SND1: variants seen among roughly 807,000 people sequenced by gnomAD.
The protein encoded by SND1 is staphylococcal nuclease and tudor domain containing 1, also known as staphylococcal nuclease domain-containing protein 1.
Under a neutral mutation model 121.7 loss-of-function variants are expected in SND1, and 38 were observed. The observed-to-expected ratio is 0.31, with a 90% confidence interval of 0.24 to 0.41. The LOEUF (loss-of-function observed/expected upper bound fraction) is 0.41, where lower values mean the gene tolerates loss of function less well. SND1 is among the 10% of genes least tolerant of loss of function. The pLI is 1.00. For missense variants in SND1, 868 were observed against 1,184.6 expected, an observed-to-expected ratio of 0.73 and a Z score of 3.92; for synonymous variants, 401 against 447.4, an observed-to-expected ratio of 0.90 and a Z score of 1.31.
intron 18 of SND1, among the ~76,000 whole-genome samples, chr7:128,083,012 G>A (rs1184809913): frequency 6.6e-6 from 1 of 152,184 alleles, no homozygotes; most frequent in African/African-American, 2.4e-5. Context: ...ATTTGTGGTG[G>A]GCTCCAGAGA....
intron 1 of SND1, among the ~76,000 whole-genome samples, chr7:127,684,139 G>GTACATTTGTCAATA (rs1795774372): frequency 6.6e-6 from 1 of 152,208 alleles, no homozygotes; most frequent in Admixed American, 6.5e-5. Flanking sequence ...GAGCTTCTCA[G>GTACATTTGTCAATA]TTTGATTTGT....
chr7:127,667,600 C>G (rs1356122817), intron 1 of SND1, among the ~76,000 whole-genome samples: 1 of 152,038 alleles, frequency 6.6e-6, no homozygotes, highest in African/African-American at 2.4e-5. Context: ...GGCCTTGGAA[C>G]TGGGGAGGAG....
At chr7:127,746,585 T>C (rs1380476013) in intron 10 of SND1, among the ~76,000 whole-genome samples, 1 of 152,210 alleles carries the variant, frequency 6.6e-6, no homozygotes, top group Non-Finnish European at 1.5e-5. Context: ...GGCATCCTGC[T>C]GGTATGGTGA....
At chr7:127,736,896 C>T (rs1440966700) in intron 10 of SND1, among the ~76,000 whole-genome samples, 7 of 152,120 alleles carry the variant, frequency 4.6e-5, no homozygotes, top group Non-Finnish European at 8.8e-5. Flanking sequence ...CAAAGGCTCC[C>T]GTGGCAGCTT....
chr7:127,974,437 G>A (rs1327695050), intron 15 of SND1, among the ~76,000 whole-genome samples: 1 of 152,146 alleles, frequency 6.6e-6, no homozygotes, highest in African/African-American at 2.4e-5. Flanking sequence ...GCTTGCTGGG[G>A]GGTTGGCCTG....
At chr7:127,822,205 C>T (rs1042578867) in intron 11 of SND1, among the ~76,000 whole-genome samples, 16 of 152,270 alleles carry the variant, frequency 1.1e-4, no homozygotes, top group African/African-American at 3.6e-4. Context: ...TTAGGCCTAC[C>T]CGGGAAGATA....
chr7:127,765,048 G>A (rs902451983), intron 10 of SND1, among the ~76,000 whole-genome samples: 2 of 152,156 alleles, frequency 1.3e-5, no homozygotes, highest in African/African-American at 4.8e-5. Flanking sequence ...TTCTCTTTGG[G>A]AGACTAAAGA....
Position 128,083,114 on chromosome 7 carries a change from T to C in SND1, c.2111-1610T>C, listed in dbSNP as rs149898727. On this transcript the variant is annotated intron_variant, in intron 18 of 23. Transcript: ENST00000354725. ...CTCTCTGCTGAAACCTTTCATCCCCTCTTGGGTGGCATCCTCTCACCCTGT... is the reference window on the plus strand; with the variant it reads ...CTCTCTGCTGAAACCTTTCATCCCCCCTTGGGTGGCATCCTCTCACCCTGT... 1.8e-3 allele frequency among the ~76,000 whole-genome samples: 271 copies of C among 152,244 alleles called. 1 individual carries two copies. Among genetic ancestry groups the C allele is most frequent in the African/African-American group, 6.3e-3 (260 of 41,538 alleles).
At chr7:127,862,424 C>T (rs996818069) in intron 12 of SND1, among the ~76,000 whole-genome samples, 1 of 151,974 alleles carries the variant, frequency 6.6e-6, no homozygotes, top group Admixed American at 6.6e-5. Flanking sequence ...TATAAGTTAC[C>T]CATTCTCTCT....
chr7:127,757,338 G>T (rs1412696175), intron 10 of SND1, among the ~76,000 whole-genome samples: 1 of 152,098 alleles, frequency 6.6e-6, no homozygotes, highest in Non-Finnish European at 1.5e-5. Context: ...TGATCATTTA[G>T]ATTGTTTCCA....
chr7:127,728,931 A>G (rs78026819), intron 10 of SND1, among the ~76,000 whole-genome samples: 2 of 151,268 alleles, frequency 1.3e-5, no homozygotes, highest in South Asian at 2.1e-4. Flanking sequence ...CTGCTTCCTA[A>G]TTGGATTGCT....
intron 1 of SND1, among the ~76,000 whole-genome samples, chr7:127,660,085 A>G (rs926393129): frequency 6.6e-6 from 1 of 151,488 alleles, no homozygotes; most frequent in African/African-American, 2.4e-5. Context: ...GTGGAAGACC[A>G]GAGAGTTAGA....
chr7:127,835,326 G>C (rs1371943357), intron 11 of SND1, among the ~76,000 whole-genome samples: 1 of 152,170 alleles, frequency 6.6e-6, no homozygotes, highest in African/African-American at 2.4e-5. Flanking sequence ...TGCTGCTTGT[G>C]TGGCTGGAAC....
intron 12 of SND1, among the ~76,000 whole-genome samples, chr7:127,844,659 C>A (rs992294528): frequency 1.3e-5 from 2 of 152,070 alleles, no homozygotes; most frequent in African/African-American, 4.8e-5. Context: ...GCTCTGTGTG[C>A]CTGGCACTAT....
At chr7:127,660,009 C>CT (rs58679623) in intron 1 of SND1, among the ~76,000 whole-genome samples, 62 of 133,736 alleles carry the variant, frequency 4.6e-4, no homozygotes, top group South Asian at 2.3e-3. Context: ...TGTTCCTATT[C>CT]TTTTTTTTTT....
intron 9 of SND1, among the ~76,000 whole-genome samples, chr7:127,712,999 A>C (rs556666757): frequency 6.6e-6 from 1 of 152,256 alleles, no homozygotes; most frequent in Non-Finnish European, 1.5e-5. Context: ...CACATTTGCC[A>C]AACATGTCTT....
intron 16 of SND1, among the ~76,000 whole-genome samples, chr7:128,055,446 A>G (rs1204931861): frequency 6.6e-6 from 1 of 152,174 alleles, no homozygotes; most frequent in Non-Finnish European, 1.5e-5. Context: ...TATTGGCCTT[A>G]CAGCAAGGGG....
intron 3 of SND1, among the ~76,000 whole-genome samples, 164 bp downstream of exon 3, chr7:127,695,112 T>C (rs920373648): frequency 6.6e-6 from 1 of 152,168 alleles, no homozygotes; most frequent in Non-Finnish European, 1.5e-5. Context: ...AGGGAATATA[T>C]GTGTACAGAG....
chr7:128,007,853 T>C (rs1803020883), intron 16 of SND1, among the ~76,000 whole-genome samples: 1 of 152,230 alleles, frequency 6.6e-6, no homozygotes, highest in African/African-American at 2.4e-5. Context: ...TACTGAATTA[T>C]AGCCTTTCAT....
Sources: gnomAD v4.1 joint callset for allele counts (sites outside exome capture counted in the v4.1 genomes callset) on GRCh38, gnomAD v4.1.1 for gene constraint, MANE v1.5 for transcripts, NCBI Gene and HGNC (gene_info 2026-07-23, HGNC 2026-07-21) for gene names.